LIMS1: variants seen among roughly 807,000 people sequenced by gnomAD.
LIMS1 encodes the protein LIM zinc finger domain containing 1.
A neutral mutation model predicts 44.1 loss-of-function variants in LIMS1; 18 were observed. The observed-to-expected ratio is 0.41, with a 90% CI of 0.28 to 0.61. LIMS1 has a LOEUF of 0.61. Among genes scored for constraint, LIMS1 ranks in the 20% least tolerant of loss-of-function variants. The pLI is 0.32. For synonymous variants in LIMS1, 93 were observed against 149.1 expected (o/e 0.62, Z 2.74); for missense variants, 201 against 422.0 (o/e 0.48, Z 4.59).
chr2:108,541,469 G>A (rs1684313273), intron 1 of LIMS1, among the ~76,000 whole-genome samples: 1 of 152,172 alleles, frequency 6.6e-6, no homozygotes, highest in African/African-American at 2.4e-5. Flanking sequence ...TACAGTGCAG[G>A]TGCACCTGAC....
chr2:108,626,406 A>C (rs949843907), intron 1 of LIMS1, among the ~76,000 whole-genome samples: 3 of 152,212 alleles, frequency 2.0e-5, no homozygotes, highest in African/African-American at 7.2e-5. Flanking sequence ...TAGGAAAGAG[A>C]AAAACCACTT....
rs753691810 is a variant in LIMS1 at position 108,569,764 on chromosome 2, C to CCTTTTTTTTTTTTTTTT, written c.32+35170_32+35171insCTTTTTTTTTTTTTTTT. On this transcript the variant is annotated intron_variant, in intron 1 of 9. Coordinates refer to ENST00000544547, the Ensembl canonical transcript of LIMS1. ...TACAAACACTCACCGCCATATCTGG[C>CCTTTTTTTTTTTTTTTT]TTTTTTTTTTTTTTTTTTTAGTGAT... Among the ~76,000 whole-genome samples, 37 of 113,118 alleles carry CCTTTTTTTTTTTTTTTT rather than the reference C, an allele frequency of 3.3e-4. 9 individuals are homozygous for CCTTTTTTTTTTTTTTTT. Among genetic ancestry groups the CCTTTTTTTTTTTTTTTT allele is most frequent in the East Asian group, 2.3e-3 (7 of 3,058 alleles). 74.2% of individuals were successfully genotyped at this position (113,118 alleles called of 152,430 possible).
chr2:108,613,408 C>T (rs1267925589), intron 1 of LIMS1, among the ~76,000 whole-genome samples: 1 of 152,150 alleles, frequency 6.6e-6, no homozygotes, highest in African/African-American at 2.4e-5. Context: ...GTTGCTATGT[C>T]CACAAAAGAA....
At chr2:108,597,483 T>G (rs1686768715) in intron 1 of LIMS1, among the ~76,000 whole-genome samples, 1 of 152,160 alleles carries the variant, frequency 6.6e-6, no homozygotes, top group South Asian at 2.1e-4. Flanking sequence ...TAGCAGTCAC[T>G]AGAGGGTGAT....
intron 1 of LIMS1, among the ~76,000 whole-genome samples, chr2:108,621,889 A>G (rs527432653): frequency 1.3e-5 from 2 of 152,254 alleles, no homozygotes; most frequent in South Asian, 4.1e-4. Context: ...GGAGATTGTT[A>G]CTGAAATGGT....
chr2:108,666,619 C>T (rs1248558820), intron 2 of LIMS1, among the ~76,000 whole-genome samples: 8 of 122,020 alleles, frequency 6.6e-5, no homozygotes, highest in Non-Finnish European at 1.2e-4. Flanking sequence ...ATAGTGAGAT[C>T]CTGTCTCTAC....
At chr2:108,585,146 G>A (rs796415065) in intron 1 of LIMS1, among the ~76,000 whole-genome samples, 13 of 104,134 alleles carry the variant, frequency 1.2e-4, no homozygotes, top group African/African-American at 4.8e-4. Context: ...GCATGACTCC[G>A]TCTCAAAAAA....
intron 1 of LIMS1, among the ~76,000 whole-genome samples, chr2:108,560,666 C>A (rs898392522): frequency 6.6e-6 from 1 of 151,902 alleles, no homozygotes; most frequent in Non-Finnish European, 1.5e-5. Flanking sequence ...TTGTTCACTG[C>A]TAAACACAAA....
intron 1 of LIMS1, among the ~76,000 whole-genome samples, chr2:108,558,997 A>G (rs1685022894): frequency 6.6e-6 from 1 of 152,206 alleles, no homozygotes; most frequent in Non-Finnish European, 1.5e-5. Context: ...GTACAAAAAT[A>G]ACTCTTCAGA....
chr2:108,560,216 C>T (rs555689074), intron 1 of LIMS1, among the ~76,000 whole-genome samples: 6 of 150,806 alleles, frequency 4.0e-5, no homozygotes, highest in Admixed American at 2.0e-4. Flanking sequence ...CACTGCCCCT[C>T]GCCAGCTCCA....
intron 2 of LIMS1, among the ~76,000 whole-genome samples, chr2:108,660,949 G>A (rs1691320325): frequency 7.1e-6 from 1 of 140,454 alleles, no homozygotes; most frequent in South Asian, 2.4e-4. Flanking sequence ...GCTGCTCTTT[G>A]ATTTCTTCTT....
chr2:108,600,813 C>T (rs1686966548), intron 1 of LIMS1, among the ~76,000 whole-genome samples: 1 of 152,174 alleles, frequency 6.6e-6, no homozygotes, highest in African/African-American at 2.4e-5. Context: ...GTGATTCCCC[C>T]AGTTTTGTTC....
chr2:108,659,703 A>C, exon 2 of LIMS1: 1 of 1,612,478 alleles, frequency 6.2e-7, no homozygotes, highest in Non-Finnish European at 8.5e-7. Context: ...GAGCTGTACC[A>C]TGAGCAGTGT....
chr2:108,676,856 T>C (rs1195729397), intron 7 of LIMS1, 158 bp downstream of exon 7: 1 of 744,406 alleles, frequency 1.3e-6, no homozygotes, highest in Non-Finnish European at 2.1e-6. Context: ...AGAAGCTAAC[T>C]ATAAAATATA....
intron 1 of LIMS1, among the ~76,000 whole-genome samples, chr2:108,614,938 T>C (rs986632965): frequency 6.6e-6 from 1 of 152,202 alleles, no homozygotes; most frequent in African/African-American, 2.4e-5. Flanking sequence ...TTTCTGGTCT[T>C]CAGAATATCG....
chr2:108,556,798 A>C (rs1230629127), intron 1 of LIMS1, among the ~76,000 whole-genome samples: 3 of 152,186 alleles, frequency 2.0e-5, no homozygotes, highest in African/African-American at 7.2e-5. Flanking sequence ...CCCCAGGCAC[A>C]GTGTTGCTTG....
At chr2:108,667,109 CG>C (rs754443979) in intron 2 of LIMS1, among the ~76,000 whole-genome samples, 4 of 152,016 alleles carry the variant, frequency 2.6e-5, no homozygotes, top group Non-Finnish European at 5.9e-5. Flanking sequence ...CCCAACCATC[CG>C]ATTCTGCCTT....
chr2:108,652,300 C>T (rs2114739), intron 1 of LIMS1, among the ~76,000 whole-genome samples: 1 of 152,294 alleles, frequency 6.6e-6, no homozygotes, highest in African/African-American at 2.4e-5. Flanking sequence ...ACTTAAATGC[C>T]CTTCAGCGGG....
chr2:108,619,465 C>G lies in LIMS1; in HGVS notation c.33-40140C>G, dbSNP rs897783768. ...TTGGGAGGCCGAGGCAGTTCGATCA[C>G]TTGAGGCTTGGAGTTCGAGACCAGC... On this transcript the variant is annotated intron_variant, in intron 1 of 9. Coordinates refer to ENST00000544547, the Ensembl canonical transcript of LIMS1. 5.9e-5 allele frequency among the ~76,000 whole-genome samples: 9 copies of G among 152,074 alleles called. No homozygotes were observed. The East Asian group carries it at 1.5e-3, about 26-fold the overall frequency.
Sources: allele counts gnomAD v4.1 joint callset (sites outside exome capture counted in the v4.1 genomes callset), GRCh38; gene constraint gnomAD v4.1.1; transcripts MANE v1.5; gene names NCBI Gene and HGNC (gene_info 2026-07-23, HGNC 2026-07-21).